The following PSD3 variants were observed in gnomAD, a reference collection of about 807,000 sequenced individuals.
PSD3 encodes PH and SEC7 domain-containing protein 3.
A neutral mutation model predicts 105.5 loss-of-function variants in PSD3; 49 were observed. The ratio of observed to expected loss-of-function variants is 0.46; its 90% CI spans 0.37 to 0.59. PSD3 has a LOEUF of 0.59. Ranked by LOEUF, PSD3 falls within the 20% of genes least tolerant of loss-of-function variation. PSD3 has a pLI of 0.00. For missense variants in PSD3, 1,561 were observed against 1,263.8 expected, an observed-to-expected ratio of 1.24 and a Z score of -3.57; for synonymous variants, 557 against 457.8, an observed-to-expected ratio of 1.22 and a Z score of -2.77.
chr8:18,616,971 C>G (rs1805739730), intron 11 of PSD3, among the ~76,000 whole-genome samples: 1 of 152,160 alleles, frequency 6.6e-6, no homozygotes, highest in African/African-American at 2.4e-5. Context: ...CCCATTCTTT[C>G]TGTAACTTCA....
intron 13 of PSD3, among the ~76,000 whole-genome samples, chr8:18,573,768 G>C (rs539006756): frequency 1.3e-5 from 2 of 152,322 alleles, no homozygotes; most frequent in South Asian, 4.1e-4. Flanking sequence ...AAGTAGATCA[G>C]TGGGTGCCTG....
At chr8:18,584,786 C>T (rs1803052147) in intron 12 of PSD3, among the ~76,000 whole-genome samples, 1 of 152,130 alleles carries the variant, frequency 6.6e-6, no homozygotes. Flanking sequence ...AATGTCTCTT[C>T]AAAAAGGTGG....
chr8:18,540,977 T>C (rs1800119530), intron 15 of PSD3, among the ~76,000 whole-genome samples: 1 of 151,960 alleles, frequency 6.6e-6, no homozygotes, highest in Non-Finnish European at 1.5e-5. Flanking sequence ...AAAGCTCTTC[T>C]TCCAAAAGCC....
chr8:18,988,242 T>C (rs1467644334), intron 1 of PSD3, among the ~76,000 whole-genome samples: 2 of 152,090 alleles, frequency 1.3e-5, no homozygotes, highest in Non-Finnish European at 2.9e-5. Flanking sequence ...AAGATTTGAC[T>C]AAAAGTGCCC....
intron 2 of PSD3, among the ~76,000 whole-genome samples, chr8:18,876,101 C>A (rs902110120): frequency 6.6e-6 from 1 of 151,968 alleles, no homozygotes; most frequent in African/African-American, 2.4e-5. Flanking sequence ...TTATTTTTTA[C>A]ATGTAAAGAG....
intron 11 of PSD3, among the ~76,000 whole-genome samples, chr8:18,606,144 T>C (rs763077552): frequency 2.6e-5 from 4 of 152,222 alleles, no homozygotes; most frequent in Non-Finnish European, 5.9e-5. Context: ...GAAAAACCTG[T>C]AGACATTATA....
At chr8:18,678,737 G>A (rs1434231897) in intron 9 of PSD3, among the ~76,000 whole-genome samples, 1 of 152,162 alleles carries the variant, frequency 6.6e-6, no homozygotes, top group African/African-American at 2.4e-5. Flanking sequence ...GCTCGAATCT[G>A]GGAGGCAGAG....
chr8:18,640,674 C>G (rs1190508124), intron 10 of PSD3, among the ~76,000 whole-genome samples: 1 of 152,074 alleles, frequency 6.6e-6, no homozygotes, highest in Non-Finnish European at 1.5e-5. Flanking sequence ...TATAAATTAC[C>G]CAGTCTTGGG....
chr8:18,574,198 C>T (rs1267359197), intron 13 of PSD3, among the ~76,000 whole-genome samples: 1 of 152,136 alleles, frequency 6.6e-6, no homozygotes, highest in African/African-American at 2.4e-5. Flanking sequence ...TCATCAATTA[C>T]TCTGAGAGAA....
At chr8:18,778,127 T>C (rs1014199269) in intron 8 of PSD3, among the ~76,000 whole-genome samples, 3 of 152,220 alleles carry the variant, frequency 2.0e-5, no homozygotes, top group African/African-American at 4.8e-5. Flanking sequence ...ACTCTGACAT[T>C]AATTTCCTTC....
At chr8:18,693,927 C>T (rs1801119194) in intron 9 of PSD3, among the ~76,000 whole-genome samples, 1 of 152,094 alleles carries the variant, frequency 6.6e-6, no homozygotes, top group African/African-American at 2.4e-5. Flanking sequence ...GCAGGGCAAA[C>T]AGAGATGAAG....
intron 1 of PSD3, among the ~76,000 whole-genome samples, chr8:19,057,385 G>T (rs1586676118): frequency 6.6e-6 from 1 of 152,168 alleles, no homozygotes; most frequent in East Asian, 1.9e-4. Flanking sequence ...CCTCATCTCA[G>T]CAGCATGAAA....
intron 4 of PSD3, among the ~76,000 whole-genome samples, chr8:18,843,793 A>G (rs898986822): frequency 4.6e-5 from 7 of 152,202 alleles, no homozygotes; most frequent in Non-Finnish European, 7.3e-5. Flanking sequence ...ACAGTTGACA[A>G]TATTTATTGT....
At chr8:18,670,046 G>A (rs1585566572) in intron 9 of PSD3, among the ~76,000 whole-genome samples, 1 of 152,172 alleles carries the variant, frequency 6.6e-6, no homozygotes, top group Admixed American at 6.5e-5. Context: ...CGATAATTCT[G>A]TCACTTTCTG....
At chr8:18,994,787 CA>C (rs1349278030) in intron 1 of PSD3, among the ~76,000 whole-genome samples, 1 of 151,034 alleles carries the variant, frequency 6.6e-6, no homozygotes, top group Non-Finnish European at 1.5e-5. Context: ...GAATAGCACC[CA>C]TACAGAAGAT....
intron 6 of PSD3, 188 bp downstream of exon 6, chr8:18,804,334 A>G (rs13255143): frequency 0.15 from 75,152 of 515,826 alleles, 6,314 homozygotes; most frequent in East Asian, 0.32. Context: ...TAACACAAAC[A>G]TCTCTAAACC....
chr8:18,789,752 G>C (rs367618757), intron 8 of PSD3, among the ~76,000 whole-genome samples: 28 of 152,152 alleles, frequency 1.8e-4, no homozygotes, highest in African/African-American at 6.3e-4. Context: ...GTAAGCAACA[G>C]GATTGGAAAC....
intron 15 of PSD3, 99 bp downstream of exon 15, chr8:18,556,110 C>T (rs780526839): frequency 2.0e-4 from 271 of 1,388,978 alleles, no homozygotes; most frequent in Non-Finnish European, 2.5e-4. Context: ...GGGCAAGACA[C>T]GCCTCTCTCA....
intron 1 of PSD3, among the ~76,000 whole-genome samples, chr8:18,987,871 C>T (rs940848174): frequency 6.6e-6 from 1 of 152,040 alleles, no homozygotes; most frequent in Non-Finnish European, 1.5e-5. Context: ...GCTGCAATTA[C>T]ATAATCTAAA....
Sources: gnomAD v4.1 joint callset for allele counts (sites outside exome capture counted in the v4.1 genomes callset) on GRCh38, gnomAD v4.1.1 for gene constraint, MANE v1.5 for transcripts, NCBI Gene and HGNC (gene_info 2026-07-23, HGNC 2026-07-21) for gene names.